The following SEMA4B variants were observed in gnomAD, a reference collection of about 807,000 sequenced individuals.
SEMA4B encodes the protein semaphorin-4B.
Under a neutral mutation model 88.1 loss-of-function variants are expected in SEMA4B, and 55 were observed. The observed-to-expected ratio is 0.62, with a 90% confidence interval of 0.50 to 0.78. The LOEUF (loss-of-function observed/expected upper bound fraction) is 0.78. Among genes scored for constraint, SEMA4B ranks in the 30% least tolerant of loss-of-function variants. SEMA4B has a pLI of 0.00. For missense variants in SEMA4B, 1,062 were observed against 1,111.9 expected, an observed-to-expected ratio of 0.96 and a Z score of 0.64; for synonymous variants, 525 against 473.6, an observed-to-expected ratio of 1.11 and a Z score of -1.41.
upstream of SEMA4B, among the ~76,000 whole-genome samples, chr15:90,200,497 C>T (rs1035843727): frequency 7.9e-5 from 12 of 152,170 alleles, no homozygotes; most frequent in Admixed American, 2.6e-4. Flanking sequence ...TGTTGGGATC[C>T]ACTAAATTGA....
At position 90,228,244 on chromosome 15, in the gene SEMA4B, G is replaced by A. The variant is rs1168631840; in HGVS notation, c.2115G>A (p.Lys705=). 6.3e-7 allele frequency: 1 copy of A among 1,599,018 alleles called. No homozygotes were observed. Among genetic ancestry groups the A allele is most frequent in the Non-Finnish European group, 8.5e-7 (1 of 1,171,970 alleles). ...TSRVSAPAGG[K]ASWGADRSYW... ...GTGTGAGTGCACCAGCTGGTGGCAA[G>A]GCCAGCTGGGGTGCAGACAGGTCCT... Residue 705 remains lysine, a synonymous_variant, in exon 14 of 14, where the codon AAG becomes AAA. Transcript: ENST00000411539.
intron 1 of SEMA4B, among the ~76,000 whole-genome samples, chr15:90,207,719 T>C (rs1001146603): frequency 6.6e-6 from 1 of 152,192 alleles, no homozygotes; most frequent in Non-Finnish European, 1.5e-5. Context: ...CCTTGAATAA[T>C]TGCAGGTTAT....
At chr15:90,195,989 G>A (rs1397319800) in intron 1 of SEMA4B, among the ~76,000 whole-genome samples, 2 of 142,258 alleles carry the variant, frequency 1.4e-5, no homozygotes, top group Admixed American at 1.5e-4. Context: ...GCGCGATCTC[G>A]GCTCACTGCG....
chr15:90,189,677 G>C (rs889960213), intron 1 of SEMA4B, among the ~76,000 whole-genome samples: 1 of 152,162 alleles, frequency 6.6e-6, no homozygotes, highest in Non-Finnish European at 1.5e-5. Context: ...AATTTTGAAA[G>C]TTCCTTGTGT....
At chr15:90,221,592 G>A in intron 6 of SEMA4B, 22 bp from the exon 7 acceptor site, 1 of 1,613,318 alleles carries the variant, frequency 6.2e-7, no homozygotes, top group South Asian at 1.1e-5. Flanking sequence ...CTGACTCTGA[G>A]CTCCTGACCT....
At position 90,229,385 on chromosome 15, in the gene SEMA4B, T is replaced by G. The variant is rs1168727874; in HGVS notation, c.*742T>G. 2.2e-6 allele frequency: 1 copy of G among 456,720 alleles called. No homozygotes were observed. The highest frequency in any genetic ancestry group is 2.3e-5 in the Admixed American group (1 of 42,566). The allele number at this position is 456,720 out of a possible 1,614,324, so 28.3% of individuals were successfully genotyped here. ...TTCCCTCAGAATTCAGGGAAGAGAC[T>G]GTCGCCTGCCTTCCTCCGTTGTTGC... On this transcript the variant is annotated 3_prime_UTR_variant, in exon 14 of 14. Coordinates refer to ENST00000411539, the MANE Select transcript of SEMA4B (RefSeq NM_198925.4).
intron 1 of SEMA4B, among the ~76,000 whole-genome samples, chr15:90,189,983 A>G (rs1401665525): frequency 6.6e-6 from 1 of 152,216 alleles, no homozygotes; most frequent in African/African-American, 2.4e-5. Flanking sequence ...GGAAACCAAA[A>G]GATGAGACGG....
At chr15:90,203,666 G>A (rs1478508330) in intron 1 of SEMA4B, among the ~76,000 whole-genome samples, 1 of 152,218 alleles carries the variant, frequency 6.6e-6, no homozygotes, top group East Asian at 1.9e-4. Flanking sequence ...TCACGCACCA[G>A]CATTCACCTG....
intron 12 of SEMA4B, among the ~76,000 whole-genome samples, chr15:90,226,578 T>A (rs1323625441): frequency 6.6e-6 from 1 of 152,212 alleles, no homozygotes; most frequent in South Asian, 2.1e-4. Flanking sequence ...TGACCTCAGA[T>A]GATCCACCCA....
chr15:90,218,584 A>G (rs2151615839), intron 3 of SEMA4B, among the ~76,000 whole-genome samples: 1 of 152,250 alleles, frequency 6.6e-6, no homozygotes, highest in East Asian at 1.9e-4. Context: ...TCTCCACCTC[A>G]TGGTCTCCTG....
chr15:90,188,106 T>C (rs555932078), intron 1 of SEMA4B, among the ~76,000 whole-genome samples: 1 of 141,978 alleles, frequency 7.0e-6, no homozygotes, highest in Non-Finnish European at 1.5e-5. Flanking sequence ...ATCGCTTGAG[T>C]CCAGGAGTTC....
At chr15:90,209,548 C>T (rs1281784340) in intron 1 of SEMA4B, among the ~76,000 whole-genome samples, 1 of 151,720 alleles carries the variant, frequency 6.6e-6, no homozygotes, top group Non-Finnish European at 1.5e-5. Flanking sequence ...CTAGCCTGGG[C>T]GACAGAGCAA....
At chr15:90,206,515 C>T (rs530018621) in intron 1 of SEMA4B, 75 of 357,390 alleles carry the variant, frequency 2.1e-4, no homozygotes, top group Non-Finnish European at 2.5e-4. Context: ...CATGCAGAGA[C>T]GGAGGCTCAG....
chr15:90,200,524 T>C (rs935883802), upstream of SEMA4B, among the ~76,000 whole-genome samples: 1 of 152,240 alleles, frequency 6.6e-6, no homozygotes, highest in African/African-American at 2.4e-5. Flanking sequence ...AATCTGCTAA[T>C]GGTCCAGGCT....
intron 1 of SEMA4B, among the ~76,000 whole-genome samples, chr15:90,211,023 G>T (rs938959724): frequency 1.3e-5 from 2 of 152,230 alleles, no homozygotes; most frequent in African/African-American, 4.8e-5. Context: ...GGGGTGGGAA[G>T]TTGAGGTTGT....
intron 1 of SEMA4B, chr15:90,185,094 G>C: frequency 1.0e-6 from 1 of 981,832 alleles, no homozygotes; most frequent in Non-Finnish European, 1.2e-6. Flanking sequence ...AGGCGCGGGG[G>C]GTGCCTGGCG....
chr15:90,225,858 G>A (rs1394326701), intron 12 of SEMA4B, 31 bp downstream of exon 12: 2 of 1,472,378 alleles, frequency 1.4e-6, no homozygotes, highest in Admixed American at 4.7e-5. Context: ...CTTCCCATCT[G>A]TCCAGCCCTG....
chr15:90,227,726 G>A lies in SEMA4B; in HGVS notation c.1774+84G>A, dbSNP rs549033113. ...TCCCCCAGGCACAGATGTTGTAAAT[G>A]CCTTTCCTCACTTCCTTGCCCCCTA... On this transcript the variant is annotated intron_variant, in intron 13 of 13. Coordinates refer to ENST00000411539, the MANE Select transcript of SEMA4B (RefSeq NM_198925.4). 9 of 1,503,332 alleles carry A rather than the reference G, an allele frequency of 6.0e-6. No individual in the cohort carries two copies. The South Asian group carries it at 9.4e-5, about 16-fold the overall frequency. The allele number at this position is 1,503,332 out of a possible 1,614,324, so 93.1% of individuals were successfully genotyped here.
chr15:90,215,875 G>A (rs531332779), intron 1 of SEMA4B, among the ~76,000 whole-genome samples: 29 of 152,174 alleles, frequency 1.9e-4, no homozygotes, highest in African/African-American at 6.7e-4. Flanking sequence ...AAGTATAGAA[G>A]GGCTTATTAT....
Sources: allele counts gnomAD v4.1 joint callset (sites outside exome capture counted in the v4.1 genomes callset), GRCh38; gene constraint gnomAD v4.1.1; transcripts MANE v1.5; gene names NCBI Gene and HGNC (gene_info 2026-07-23, HGNC 2026-07-21).